The following SMYD3 variants were observed in gnomAD, a reference collection of about 807,000 sequenced individuals.
SMYD3 encodes SET and MYND domain containing 3.
SMYD3 carries 36 observed loss-of-function variants against 57.7 expected under a neutral mutation model. That is an observed-to-expected ratio of 0.62 (90% CI 0.48 to 0.82). SMYD3 has a LOEUF of 0.82. Among genes scored for constraint, SMYD3 ranks in the 40% least tolerant of loss-of-function variants. The probability of loss-of-function intolerance (pLI) is 0.00; values close to 1 mark genes in which losing one functional copy is unlikely to be tolerated. For synonymous variants in SMYD3, 211 were observed against 195.0 expected (o/e 1.08, Z -0.68); for missense variants, 515 against 538.8 (o/e 0.96, Z 0.44).
intron 1 of SMYD3, among the ~76,000 whole-genome samples, chr1:246,469,293 T>C (rs1349955741): frequency 6.6e-6 from 1 of 152,174 alleles, no homozygotes; most frequent in Non-Finnish European, 1.5e-5. Context: ...CAATTCCCCT[T>C]GGCCGAAAAA....
intron 7 of SMYD3, among the ~76,000 whole-genome samples, chr1:245,927,530 C>A (rs551060842): frequency 7.9e-5 from 12 of 152,138 alleles, no homozygotes; most frequent in Non-Finnish European, 1.5e-4. Context: ...GTGAAGAAGT[C>A]TTGGGGATCC....
At chr1:245,828,306 G>A (rs1036084330) in intron 10 of SMYD3, among the ~76,000 whole-genome samples, 4 of 152,074 alleles carry the variant, frequency 2.6e-5, no homozygotes, top group African/African-American at 9.7e-5. Context: ...ATTATTAAAG[G>A]ATATCTGGTT....
chr1:246,138,299 T>A (rs1434008450), intron 5 of SMYD3, among the ~76,000 whole-genome samples: 1 of 152,094 alleles, frequency 6.6e-6, no homozygotes, highest in Non-Finnish European at 1.5e-5. Context: ...AAAACAGTTG[T>A]TTTCATAATA....
chr1:246,472,156 AAC>A (rs2067969363), intron 1 of SMYD3, among the ~76,000 whole-genome samples: 1 of 152,138 alleles, frequency 6.6e-6, no homozygotes, highest in African/African-American at 2.4e-5. Context: ...GCCTCAGAAA[AAC>A]ACACACACCA....
At chr1:246,220,299 ACCCCACCCG>A (rs961354872) in intron 5 of SMYD3, among the ~76,000 whole-genome samples, 1 of 148,180 alleles carries the variant, frequency 6.7e-6, no homozygotes, top group Non-Finnish European at 1.5e-5. Context: ...CAGGGAGAAG[ACCCCACCCG>A]CCCCACCCGC....
chr1:246,379,033 A>T (rs1238391986), intron 1 of SMYD3, among the ~76,000 whole-genome samples: 1 of 143,060 alleles, frequency 7.0e-6, no homozygotes, highest in Non-Finnish European at 1.5e-5. Flanking sequence ...AGAAAACAAT[A>T]TTTTATATAT....
intron 1 of SMYD3, among the ~76,000 whole-genome samples, chr1:246,470,489 T>C (rs61839815): frequency 0.54 from 66,861 of 123,124 alleles, 15,628 homozygotes; most frequent in Middle Eastern, 0.7. Flanking sequence ...AGCAAGAATC[T>C]GTCTAAAAAT....
chr1:246,068,539 A>C (rs1476758499), intron 5 of SMYD3, among the ~76,000 whole-genome samples: 1 of 152,190 alleles, frequency 6.6e-6, no homozygotes, highest in Non-Finnish European at 1.5e-5. Context: ...AGGGGGCAGA[A>C]AGGCTGAGGG....
At chr1:246,345,218 T>C (rs1368620720) in intron 2 of SMYD3, among the ~76,000 whole-genome samples, 1 of 152,246 alleles carries the variant, frequency 6.6e-6, no homozygotes, top group African/African-American at 2.4e-5. Context: ...TTTAAGCTTA[T>C]TGAACCTAAA....
At position 246,070,216 on chromosome 1, in the gene SMYD3, G is replaced by A. The variant is rs78222676; in HGVS notation, c.532-140279C>T. Among the ~76,000 whole-genome samples the A allele has an allele frequency of 4.3e-3, 660 of 152,176 alleles. 3 individuals are homozygous for A. The highest frequency in any genetic ancestry group is 0.015 in the African/African-American group (603 of 41,524). On this transcript the variant is annotated intron_variant, in intron 5 of 11. Coordinates refer to ENST00000490107, the MANE Select transcript of SMYD3 (RefSeq NM_001167740.2). ...TCTCTGGTCCTTCTTTTCATTTCCC[G>A]GGACCTCCATCCTGAGGGCTGAACT...
At chr1:246,293,581 C>G (rs1293913571) in intron 5 of SMYD3, among the ~76,000 whole-genome samples, 1 of 152,154 alleles carries the variant, frequency 6.6e-6, no homozygotes, top group Non-Finnish European at 1.5e-5. Context: ...AAGAAAACCC[C>G]TCCCCCGGCA....
chr1:246,314,374 A>C (rs1408882394), intron 5 of SMYD3, among the ~76,000 whole-genome samples: 1 of 152,206 alleles, frequency 6.6e-6, no homozygotes, highest in African/African-American at 2.4e-5. Flanking sequence ...GGAATGAAGA[A>C]AGCCATGTTA....
chr1:245,827,141 T>C (rs1003058628), intron 10 of SMYD3, among the ~76,000 whole-genome samples: 4 of 152,166 alleles, frequency 2.6e-5, no homozygotes, highest in South Asian at 2.1e-4. Flanking sequence ...CTGTGATCTG[T>C]AGATGAGAAA....
At chr1:246,404,568 A>C (rs1224131720) in intron 1 of SMYD3, among the ~76,000 whole-genome samples, 1 of 152,158 alleles carries the variant, frequency 6.6e-6, no homozygotes, top group Non-Finnish European at 1.5e-5. Context: ...TACAGTGAGG[A>C]GTTTGCAAGT....
intron 1 of SMYD3, among the ~76,000 whole-genome samples, chr1:246,398,885 C>T (rs1262374285): frequency 6.6e-6 from 1 of 152,134 alleles, no homozygotes; most frequent in Non-Finnish European, 1.5e-5. Context: ...CATCCAACAC[C>T]CAGCCCTCTT....
intron 8 of SMYD3, among the ~76,000 whole-genome samples, chr1:245,891,412 A>G (rs1276969086): frequency 6.6e-6 from 1 of 152,252 alleles, no homozygotes; most frequent in Non-Finnish European, 1.5e-5. Context: ...AATGTTTACA[A>G]AAGAGGATTG....
chr1:245,986,538 T>G (rs2058708339), intron 5 of SMYD3, among the ~76,000 whole-genome samples: 1 of 152,186 alleles, frequency 6.6e-6, no homozygotes, highest in Non-Finnish European at 1.5e-5. Flanking sequence ...ATAAACAAAA[T>G]TACATAACAT....
intron 10 of SMYD3, among the ~76,000 whole-genome samples, chr1:245,770,138 A>C (rs2046278161): frequency 1.3e-5 from 2 of 152,250 alleles, no homozygotes; most frequent in Admixed American, 1.3e-4. Flanking sequence ...ATAGACAAAA[A>C]AGTATTTTTA....
At chr1:246,024,173 G>A (rs1303559969) in intron 5 of SMYD3, among the ~76,000 whole-genome samples, 6 of 152,152 alleles carry the variant, frequency 3.9e-5, no homozygotes, top group South Asian at 4.1e-4. Context: ...ATATGGAAGC[G>A]AGAAAACAAG....
Sources: gnomAD v4.1 joint callset for allele counts (sites outside exome capture counted in the v4.1 genomes callset) on GRCh38, gnomAD v4.1.1 for gene constraint, MANE v1.5 for transcripts, NCBI Gene and HGNC (gene_info 2026-07-23, HGNC 2026-07-21) for gene names.